PCDHGB4: variants seen among roughly 807,000 people sequenced by gnomAD.
PCDHGB4 encodes protocadherin gamma-B4.
PCDHGB4 carries 38 observed loss-of-function variants against 60.5 expected under a neutral mutation model. The ratio of observed to expected loss-of-function variants is 0.63; its 90% CI spans 0.48 to 0.82. The LOEUF is 0.82. Among genes scored for constraint, PCDHGB4 ranks in the 40% least tolerant of loss-of-function variants. The pLI, the probability that PCDHGB4 is intolerant of heterozygous loss-of-function variation, is 0.00. For synonymous variants in PCDHGB4, 456 were observed against 509.7 expected, an observed-to-expected ratio of 0.89 and a Z score of 1.42; for missense variants, 1,109 against 1,209.6, an observed-to-expected ratio of 0.92 and a Z score of 1.23.
chr5:141,478,594 C>T, intron 1 of PCDHGB4: 2 of 1,569,448 alleles, frequency 1.3e-6, no homozygotes, highest in Non-Finnish European at 1.7e-6. Context: ...TTTTTTATTC[C>T]TACATCATAT....
intron 1 of PCDHGB4, among the ~76,000 whole-genome samples, chr5:141,437,668 G>T (rs72790049): frequency 3.1e-4 from 47 of 151,868 alleles, no homozygotes; most frequent in Non-Finnish European, 6.0e-4. Context: ...TCGAAGAGAT[G>T]TTGATCAAAC....
rs752708726 is a variant in PCDHGB4 at position 141,413,991 on chromosome 5, C to T, written c.2397+23710C>T. 1.9e-6 allele frequency: 3 copies of T among 1,613,494 alleles called. No homozygotes were observed. The East Asian group carries it at 6.7e-5, about 36-fold the overall frequency. ...AGCTGCTGACAGTCACAGCCACCGA[C>T]AGGGACGAAGGTGCCAATGGAGAAG... On this transcript the variant is annotated intron_variant, in intron 1 of 3. Coordinates refer to ENST00000519479, the MANE Select transcript of PCDHGB4 (RefSeq NM_003736.4).
rs1173771781 is a variant in PCDHGB4 at position 141,486,312 on chromosome 5, G to A, written c.2398-8495G>A. Reference sequence around the variant, plus strand: ...ATCAGTGTGCAGGATCCAGACTCAGGGTCAAACGGAGATGTGAGCCTCCGC... The same window carrying A: ...ATCAGTGTGCAGGATCCAGACTCAGAGTCAAACGGAGATGTGAGCCTCCGC... On this transcript the variant is annotated intron_variant, in intron 1 of 3. Coordinates refer to ENST00000519479, the MANE Select transcript of PCDHGB4 (RefSeq NM_003736.4). The surrounding 1 kb of genome is among the most constrained non-coding windows in gnomAD (Gnocchi z 5.0). The A allele has an allele frequency of 1.2e-6, 2 of 1,613,864 alleles. No individual in the cohort carries two copies. Among genetic ancestry groups the A allele is most frequent in the African/African-American group, 1.3e-5 (1 of 74,842 alleles).
At chr5:141,446,450 T>C (rs922188307) in intron 1 of PCDHGB4, among the ~76,000 whole-genome samples, 2 of 152,018 alleles carry the variant, frequency 1.3e-5, no homozygotes, top group Non-Finnish European at 2.9e-5. Context: ...AGTGCAGATA[T>C]TCAGTGTGTG....
Position 141,504,710 on chromosome 5 carries a change from G to A in PCDHGB4, c.2457-683G>A, listed in dbSNP as rs528205869. The stretch of plus-strand genomic sequence containing the variant: ...AGGAGGGGCAGGTTCTTCTATGGCC[G>A]TGGATTTTACTCTGAGGGCTTAGGA... On this transcript the variant is annotated intron_variant, in intron 2 of 3. Transcript: ENST00000519479. Among the ~76,000 whole-genome samples the A allele has an allele frequency of 1.4e-4, 21 of 151,968 alleles. No homozygotes were observed. The East Asian group carries it at 3.7e-3, about 27-fold the overall frequency.
At chr5:141,436,239 G>T (rs1426798903) in intron 1 of PCDHGB4, among the ~76,000 whole-genome samples, 2 of 152,012 alleles carry the variant, frequency 1.3e-5, no homozygotes, top group South Asian at 2.1e-4. Flanking sequence ...AAGCTAACAT[G>T]GTCTAATTAT....
intron 1 of PCDHGB4, among the ~76,000 whole-genome samples, chr5:141,406,837 CA>C (rs1174898109): frequency 6.6e-6 from 1 of 152,170 alleles, no homozygotes; most frequent in Non-Finnish European, 1.5e-5. Flanking sequence ...ACTTGCATAT[CA>C]GATATAATTT....
chr5:141,388,415 T>C lies in PCDHGB4; in HGVS notation c.531T>C (p.His177=). ...ATTACCAACTCAGTCCCAGTGATCA[T>C]TTCTCACTGATAAATAAAGAGAAAT... ...LQNYQLSPSD[H]FSLINKEKSD... The change falls in exon 1 of 4, where the codon CAT becomes CAC. Residue 177 remains histidine, a synonymous_variant. Transcript: ENST00000519479. 2 of 1,613,894 alleles carry C rather than the reference T, an allele frequency of 1.2e-6. No individual in the cohort carries two copies. The highest frequency in any genetic ancestry group is 1.7e-6 in the Non-Finnish European group (2 of 1,179,826).
At position 141,485,386 on chromosome 5, in the gene PCDHGB4, C is replaced by A. The variant is rs1044608807; in HGVS notation, c.2398-9421C>A. The stretch of plus-strand genomic sequence containing the variant: ...GGCTGCAGGTCGCTGGAGAGGTGAA[C>A]CAAAGACACTTCCGTGTGGATTTGG... On this transcript the variant is annotated intron_variant, in intron 1 of 3. Coordinates refer to ENST00000519479, the MANE Select transcript of PCDHGB4 (RefSeq NM_003736.4). This position sits in a 1 kb window ranked among gnomAD's most constrained non-coding sequence, Gnocchi z 5.7. 1.2e-6 allele frequency: 2 copies of A among 1,614,104 alleles called. No homozygotes were observed. The highest frequency in any genetic ancestry group is 8.5e-7 in the Non-Finnish European group (1 of 1,180,002).
chr5:141,446,173 G>A (rs2098491860), intron 1 of PCDHGB4, among the ~76,000 whole-genome samples: 1 of 152,076 alleles, frequency 6.6e-6, no homozygotes, highest in East Asian at 1.9e-4. Context: ...TGAGGGCAGG[G>A]GGTGTTTTGT....
Position 141,389,052 on chromosome 5 carries a change from T to C in PCDHGB4, c.1168T>C (p.Phe390Leu), listed in dbSNP as rs769661783. The change falls in exon 1 of 4, where the codon TTT becomes CTT. Residue 390 changes from phenylalanine to leucine, a missense_variant. By Grantham distance (22) the Phe-to-Leu change is conservative (BLOSUM62 0). Transcript: ENST00000519479. Reference sequence around the variant, plus strand: ...TTGTAAATTGGAAGGTGATGTTCCATTTAAAATATTAACTTCTTCAAGAAA... The same window carrying C: ...TTGTAAATTGGAAGGTGATGTTCCACTTAAAATATTAACTTCTTCAAGAAA... ...VTCKLEGDVPFKILTSSRNTY... is the reference protein window; with the variant it reads ...VTCKLEGDVPLKILTSSRNTY... 9.5e-5 allele frequency: 153 copies of C among 1,613,794 alleles called. No homozygotes were observed. Among genetic ancestry groups the C allele is most frequent in the Non-Finnish European group, 8.5e-5 (100 of 1,179,818 alleles).
intron 1 of PCDHGB4, chr5:141,404,458 C>A: frequency 6.2e-7 from 1 of 1,612,914 alleles, no homozygotes; most frequent in East Asian, 2.2e-5. Context: ...CTCCTCTCTC[C>A]ACCTATGTCT....
At position 141,511,410 on chromosome 5, in the gene PCDHGB4, T is replaced by A; in HGVS notation, c.*237T>A. The stretch of plus-strand genomic sequence containing the variant: ...GGAACCCCCATCCAATCAACTGCTG[T>A]ACCCATGGGGGTAGTGGGGTTACTG... On this transcript the variant is annotated 3_prime_UTR_variant, in exon 4 of 4. Coordinates refer to ENST00000519479, the MANE Select transcript of PCDHGB4 (RefSeq NM_003736.4). 1 of 908,820 alleles carries A rather than the reference T, an allele frequency of 1.1e-6. No individual in the cohort carries two copies. The highest frequency in any genetic ancestry group is 1.6e-6 in the Non-Finnish European group (1 of 624,202). 56.3% of individuals were successfully genotyped at this position (908,820 alleles called of 1,614,324 possible). A position where few individuals can be genotyped will look rare whatever the true frequency, so the allele number is the denominator to read the frequency against.
chr5:141,394,257 C>A (rs1256817731), intron 1 of PCDHGB4: 1 of 1,613,828 alleles, frequency 6.2e-7, no homozygotes, highest in Non-Finnish European at 8.5e-7. Flanking sequence ...CCCCGACAGC[C>A]AGGAGAATGC....
intron 1 of PCDHGB4, chr5:141,410,537 A>G (rs772317770): frequency 1.1e-5 from 17 of 1,613,760 alleles, no homozygotes; most frequent in African/African-American, 1.3e-5. Flanking sequence ...CAATGAAGAC[A>G]TGGTTTGCAG....
intron 2 of PCDHGB4, among the ~76,000 whole-genome samples, chr5:141,503,596 C>T (rs1267014587): frequency 7.7e-6 from 1 of 129,694 alleles, no homozygotes; most frequent in African/African-American, 3.3e-5. Context: ...GAGACTCCAG[C>T]TCAAAAAAAA....
rs10038103 is a variant in PCDHGB4 at position 141,414,849 on chromosome 5, C to T, written c.2397+24568C>T. On this transcript the variant is annotated intron_variant, in intron 1 of 3. Transcript: ENST00000519479. ...TGTCGTTGAGCCTGTTTGTGCTGGA[C>T]CAGAACGACAATGCGCCCGAGATCC... The T allele has an allele frequency of 7.9e-4, 1,268 of 1,614,252 alleles. 15 individuals carry two copies. In the African/African-American group the frequency reaches 0.015, roughly 19 times the overall value.
intron 1 of PCDHGB4, chr5:141,403,467 T>G: frequency 6.2e-7 from 1 of 1,614,020 alleles, no homozygotes; most frequent in Non-Finnish European, 8.5e-7. Context: ...AGCTACCAGC[T>G]CAGCCCCAAT....
At chr5:141,412,987 A>T (rs192699644) in intron 1 of PCDHGB4, 1 of 564,522 alleles carries the variant, frequency 1.8e-6, no homozygotes, top group African/African-American at 1.9e-5. Flanking sequence ...GCCAGAGCTC[A>T]ATCCGGATTC....
Sources: allele counts gnomAD v4.1 joint callset (sites outside exome capture counted in the v4.1 genomes callset), GRCh38; gene constraint gnomAD v4.1.1; non-coding constraint Gnocchi (gnomAD v3.1); transcripts MANE v1.5; gene names NCBI Gene and HGNC (gene_info 2026-07-23, HGNC 2026-07-21).